The following PARM1 variants were observed in gnomAD, a reference collection of about 807,000 sequenced individuals.
The protein encoded by PARM1 is prostate androgen-regulated mucin-like protein 1.
Under a neutral mutation model 24.6 loss-of-function variants are expected in PARM1, and 14 were observed. The observed-to-expected ratio is 0.57, with a 90% CI of 0.38 to 0.89. The LOEUF (loss-of-function observed/expected upper bound fraction) is 0.89, where lower values mean the gene tolerates loss of function less well. Among genes scored for constraint, PARM1 ranks in the 40% least tolerant of loss-of-function variants. PARM1 has a pLI of 0.00. For synonymous variants in PARM1, 179 were observed against 156.6 expected, an observed-to-expected ratio of 1.14 and a Z score of -1.07; for missense variants, 362 against 380.4, an observed-to-expected ratio of 0.95 and a Z score of 0.40.
chr4:74,995,894 A>G (rs1722568089), intron 1 of PARM1, among the ~76,000 whole-genome samples: 1 of 152,064 alleles, frequency 6.6e-6, no homozygotes, highest in South Asian at 2.1e-4. Flanking sequence ...CAGAGCTCAC[A>G]CGTGTCTTAC....
intron 1 of PARM1, among the ~76,000 whole-genome samples, chr4:74,987,342 G>A (rs1722377082): frequency 6.6e-6 from 1 of 151,816 alleles, no homozygotes; most frequent in Admixed American, 6.6e-5. Context: ...GTTAGCTGGG[G>A]GCATGAGAAG....
At chr4:74,986,692 G>A (rs2109776070) in intron 1 of PARM1, among the ~76,000 whole-genome samples, 1 of 152,202 alleles carries the variant, frequency 6.6e-6, no homozygotes, top group East Asian at 1.9e-4. Context: ...GGGACTTTGG[G>A]GTTGCAGGTA....
chr4:74,996,320 C>T (rs1722575834), intron 1 of PARM1, among the ~76,000 whole-genome samples: 3 of 152,224 alleles, frequency 2.0e-5, no homozygotes, highest in Admixed American at 2.0e-4. Flanking sequence ...TAGCATGGTA[C>T]CTGGTACCTA....
chr4:75,010,320 G>A (rs1228055001), intron 1 of PARM1, among the ~76,000 whole-genome samples: 2 of 152,246 alleles, frequency 1.3e-5, no homozygotes, highest in East Asian at 1.9e-4. Context: ...CATAGAGACA[G>A]TAGAGTGTAG....
At chr4:75,014,770 C>G (rs1722949757) in intron 2 of PARM1, among the ~76,000 whole-genome samples, 1 of 152,106 alleles carries the variant, frequency 6.6e-6, no homozygotes, top group Non-Finnish European at 1.5e-5. Flanking sequence ...TCTATTGACT[C>G]CTCTGTGCAG....
chr4:75,011,416 G>A lies in PARM1; in HGVS notation c.44-1009G>A, dbSNP rs559086747. On this transcript the variant is annotated intron_variant, in intron 1 of 3. Coordinates refer to ENST00000307428, the MANE Select transcript of PARM1 (RefSeq NM_015393.4). ...CATCTTGGTTTTTAACTGCGCAACCGGGTGAATGGGGGTCCCATCTACTGA... is the reference window on the plus strand; with the variant it reads ...CATCTTGGTTTTTAACTGCGCAACCAGGTGAATGGGGGTCCCATCTACTGA... Among the ~76,000 whole-genome samples, 10 of 152,120 alleles carry A rather than the reference G, an allele frequency of 6.6e-5. No individual in the cohort carries two copies. The South Asian group carries it at 8.3e-4, about 13-fold the overall frequency.
intron 1 of PARM1, among the ~76,000 whole-genome samples, chr4:74,987,235 G>C (rs1319997057): frequency 6.6e-6 from 1 of 152,080 alleles, no homozygotes; most frequent in Admixed American, 6.6e-5. Flanking sequence ...GAAAGAATCT[G>C]GTCCGGCACT....
chr4:75,000,424 TATC>T (rs745886271), intron 1 of PARM1, among the ~76,000 whole-genome samples: 58 of 152,290 alleles, frequency 3.8e-4, no homozygotes, highest in African/African-American at 8.7e-4. Context: ...GGATCAACAA[TATC>T]ATCAAGGAGA....
intron 2 of PARM1, among the ~76,000 whole-genome samples, chr4:75,027,374 G>A (rs529884359): frequency 5.9e-4 from 90 of 152,156 alleles, no homozygotes; most frequent in African/African-American, 2.0e-3. Context: ...GGGAGGAGAC[G>A]AGATGTGCTT....
At chr4:74,966,591 A>G (rs1454807040) in intron 1 of PARM1, among the ~76,000 whole-genome samples, 1 of 152,228 alleles carries the variant, frequency 6.6e-6, no homozygotes, top group African/African-American at 2.4e-5. Context: ...GGCAAGCAAC[A>G]GACAGGACAG....
chr4:74,973,945 T>G (rs987311742), intron 1 of PARM1, among the ~76,000 whole-genome samples: 1 of 152,094 alleles, frequency 6.6e-6, no homozygotes, highest in East Asian at 1.9e-4. Flanking sequence ...CTCGGATGAT[T>G]ACAGTGGCTG....
chr4:74,934,192 G>C (rs1721127959), intron 1 of PARM1, among the ~76,000 whole-genome samples: 2 of 152,102 alleles, frequency 1.3e-5, no homozygotes, highest in Non-Finnish European at 2.9e-5. Context: ...ACCGGGGAGA[G>C]ATTCAGAAAG....
intron 2 of PARM1, among the ~76,000 whole-genome samples, chr4:75,032,633 C>A (rs1391536767): frequency 6.6e-6 from 1 of 152,116 alleles, no homozygotes. Flanking sequence ...CTCATTTAAT[C>A]CCCTTAAAAT....
At chr4:75,019,002 C>T (rs1017402701) in intron 2 of PARM1, among the ~76,000 whole-genome samples, 27 of 152,216 alleles carry the variant, frequency 1.8e-4, no homozygotes, top group Admixed American at 9.2e-4. Context: ...ATGTTGCCAG[C>T]TGGGTCCCAG....
chr4:74,951,361 T>G (rs114146607), intron 1 of PARM1, among the ~76,000 whole-genome samples: 2,091 of 152,332 alleles, frequency 0.014, 50 homozygotes, highest in African/African-American at 0.048. Flanking sequence ...TCCTGCACTT[T>G]TTTTAGCATT....
chr4:74,970,197 C>T (rs1721998254), intron 1 of PARM1: 1 of 152,224 alleles, frequency 6.6e-6, no homozygotes, highest in South Asian at 2.1e-4. Context: ...AGTATGTGAA[C>T]AGGAGGTATA....
intron 1 of PARM1, among the ~76,000 whole-genome samples, chr4:74,942,821 A>G (rs1052871732): frequency 1.3e-5 from 2 of 152,148 alleles, no homozygotes; most frequent in Non-Finnish European, 2.9e-5. Context: ...CAGCGAATTC[A>G]TTGGAACTAT....
At chr4:75,034,038 CT>C (rs2109809405) in intron 3 of PARM1, 77 bp downstream of exon 3, 8 of 1,185,002 alleles carry the variant, frequency 6.8e-6, no homozygotes, top group Non-Finnish European at 8.5e-6. Flanking sequence ...TTGCTGGATA[CT>C]TGTTCCTTAA....
chr4:74,953,295 C>G (rs1232575895), intron 1 of PARM1, among the ~76,000 whole-genome samples: 1 of 152,012 alleles, frequency 6.6e-6, no homozygotes, highest in Non-Finnish European at 1.5e-5. Flanking sequence ...GAGAAATATT[C>G]TAAGAAAAAA....
Sources: allele counts gnomAD v4.1 joint callset (sites outside exome capture counted in the v4.1 genomes callset), GRCh38; gene constraint gnomAD v4.1.1; transcripts MANE v1.5; gene names NCBI Gene and HGNC (gene_info 2026-07-23, HGNC 2026-07-21).